The following MAP1B variants were observed in gnomAD, a reference collection of about 807,000 sequenced individuals.
MAP1B encodes the protein microtubule associated protein 1B.
A neutral mutation model predicts 176.1 loss-of-function variants in MAP1B; 12 were observed. The observed-to-expected ratio is 0.07, with a 90% CI of 0.04 to 0.11. The LOEUF (loss-of-function observed/expected upper bound fraction) is 0.11. MAP1B is among the 10% of genes least tolerant of loss of function. The pLI is 1.00. For synonymous variants in MAP1B, 1,044 were observed against 1,135.0 expected, an observed-to-expected ratio of 0.92 and a Z score of 1.61; for missense variants, 2,523 against 2,990.5, an observed-to-expected ratio of 0.84 and a Z score of 3.65.
intron 1 of MAP1B, among the ~76,000 whole-genome samples, chr5:72,110,861 A>G (rs1745320748): frequency 1.3e-5 from 2 of 152,242 alleles, no homozygotes; most frequent in African/African-American, 4.8e-5. Flanking sequence ...CAGTAAATCA[A>G]CAGGCCTGGA....
At chr5:72,193,812 G>A (rs1466656975) in intron 4 of MAP1B, 54 bp from the exon 5 acceptor site, 1 of 1,510,780 alleles carries the variant, frequency 6.6e-7, no homozygotes, top group African/African-American at 1.4e-5. Flanking sequence ...TGATGGATCA[G>A]TGATGATAAT....
Position 72,194,569 on chromosome 5 carries a change from C to T in MAP1B, c.1214C>T (p.Thr405Ile). The T allele has an allele frequency of 6.2e-7, 1 of 1,614,104 alleles. No homozygotes were observed. The highest frequency in any genetic ancestry group is 1.1e-5 in the South Asian group (1 of 91,074). Residue 405 changes from threonine (T) to isoleucine (I), a missense_variant, in exon 5 of 7, where the codon ACT becomes ATT. This residue lies in a region of MAP1B where 1,925 missense variants were observed against 2,126.0 expected (regional missense o/e 0.91). Transcript: ENST00000296755. The surrounding 1 kb of genome is among the most constrained non-coding windows in gnomAD (Gnocchi z 7.2). ...CCTCTGTTTAGAAGTGTAGGCAATA[C>T]TATTGATCCTGTCATTCTTTTCCAA... ...PEPLFRSVGN[T>I]IDPVILFQKM...
chr5:72,195,491 A>G lies in MAP1B; in HGVS notation c.2136A>G (p.Glu712=), dbSNP rs767137671. The change falls in exon 5 of 7, where the codon GAA becomes GAG. Residue 712 remains glutamate (E), a synonymous_variant. Coordinates refer to ENST00000296755, the MANE Select transcript of MAP1B (RefSeq NM_005909.5). ...CACCGCCAAAGGAAGTCAAGAAGGA[A>G]GTTAAGAAGGAAGAGAAGAAGGAAG... The part of the protein sequence containing the change: ...KETPPKEVKK[E]VKKEEKKEVK... 2 of 1,587,624 alleles carry G rather than the reference A, an allele frequency of 1.3e-6. No individual in the cohort carries two copies. Among genetic ancestry groups the G allele is most frequent in the Admixed American group, 3.8e-5 (2 of 52,472 alleles).
chr5:72,194,474 G>A lies in MAP1B; in HGVS notation c.1119G>A (p.Lys373=). Residue 373 remains lysine, a synonymous_variant, in exon 5 of 7, where the codon AAG becomes AAA. Transcript: ENST00000296755. The surrounding 1 kb of genome is among the most constrained non-coding windows in gnomAD (Gnocchi z 7.2). ...TCAAAAATCCAGAGCCAAACATCAAGATGAAGAGAAGCATAGAAGAAGCCT... is the reference window on the plus strand; with the variant it reads ...TCAAAAATCCAGAGCCAAACATCAAAATGAAGAGAAGCATAGAAGAAGCCT... ...ENLKNPEPNI[K]MKRSIEEACF... 2 of 1,613,974 alleles carry A rather than the reference G, an allele frequency of 1.2e-6. No homozygotes were observed. Among genetic ancestry groups the A allele is most frequent in the South Asian group, 1.1e-5 (1 of 91,060 alleles).
chr5:72,146,961 CTT>C (rs549281263), intron 2 of MAP1B, among the ~76,000 whole-genome samples: 106 of 134,854 alleles, frequency 7.9e-4, no homozygotes, highest in African/African-American at 1.9e-3. Context: ...TCCAAATCTT[CTT>C]TTTTTTTTTT....
At chr5:72,182,445 T>C (rs967624775) in intron 2 of MAP1B, among the ~76,000 whole-genome samples, 2 of 152,226 alleles carry the variant, frequency 1.3e-5, no homozygotes, top group African/African-American at 2.4e-5. Flanking sequence ...TTCCATTGTA[T>C]TGATATACCA....
intron 4 of MAP1B, among the ~76,000 whole-genome samples, chr5:72,192,651 G>C (rs2112228979): frequency 6.6e-6 from 1 of 152,296 alleles, no homozygotes; most frequent in Admixed American, 6.5e-5. Flanking sequence ...CAGACCTGCT[G>C]GCTCAGGGAT....
chr5:72,116,296 A>G (rs1745436252), intron 2 of MAP1B: 2 of 303,132 alleles, frequency 6.6e-6, no homozygotes, highest in Admixed American at 1.0e-4. Flanking sequence ...CTGCATTTCA[A>G]AATGAAATAT....
intron 1 of MAP1B, among the ~76,000 whole-genome samples, chr5:72,112,749 C>T (rs751411348): frequency 1.3e-5 from 2 of 152,202 alleles, no homozygotes; most frequent in Admixed American, 1.3e-4. Context: ...TCACTGCCTC[C>T]AACTGCCTGG....
chr5:72,200,468 G>A (rs1747308569), intron 5 of MAP1B, 101 bp downstream of exon 5: 1 of 1,410,928 alleles, frequency 7.1e-7, no homozygotes, highest in African/African-American at 1.4e-5. Flanking sequence ...GGAAGATGAG[G>A]GAGCACAATT....
rs893108746 is a variant in MAP1B, at chr5:72,197,623, G to T, written c.4268G>T (p.Arg1423Ile). ...FLSADDKASG[R>I]GAESPFEEKS... ...AGTGCTGATGACAAGGCTTCTGGCA[G>T]AGGTGCCGAAAGTCCTTTTGAAGAA... The change falls in exon 5 of 7, where the codon AGA (arginine) becomes ATA (isoleucine). Residue 1423 changes from arginine (R) to isoleucine (I), a missense_variant. This residue lies in a region of MAP1B where 1,925 missense variants were observed against 2,126.0 expected (regional missense o/e 0.91). Coordinates refer to ENST00000296755, the MANE Select transcript of MAP1B (RefSeq NM_005909.5). 2.5e-6 allele frequency: 4 copies of T among 1,614,222 alleles called. No individual in the cohort carries two copies. Among genetic ancestry groups the T allele is most frequent in the Non-Finnish European group, 3.4e-6 (4 of 1,180,044 alleles).
At chr5:72,150,308 C>A (rs1349271911) in intron 2 of MAP1B, among the ~76,000 whole-genome samples, 1 of 152,152 alleles carries the variant, frequency 6.6e-6, no homozygotes, top group African/African-American at 2.4e-5. Flanking sequence ...TCTTGTCTCT[C>A]ATGTTTTAAA....
chr5:72,158,022 T>TG (rs1746258146), intron 2 of MAP1B, among the ~76,000 whole-genome samples: 1 of 148,232 alleles, frequency 6.7e-6, no homozygotes, highest in Non-Finnish European at 1.5e-5. Context: ...TTTTTTTTTT[T>TG]TTTTTGAGAT....
At chr5:72,201,950 C>T (rs748824842) in intron 5 of MAP1B, among the ~76,000 whole-genome samples, 44 of 152,132 alleles carry the variant, frequency 2.9e-4, no homozygotes, top group Non-Finnish European at 5.6e-4. Context: ...TAGGAGAAAA[C>T]ATGAAATCCA....
chr5:72,110,208 A>T (rs1745301628), intron 1 of MAP1B, among the ~76,000 whole-genome samples: 1 of 152,226 alleles, frequency 6.6e-6, no homozygotes, highest in Non-Finnish European at 1.5e-5. Flanking sequence ...GAACCCCAGA[A>T]GCCCCCTTGT....
At chr5:72,149,854 A>G (rs1474698602) in intron 2 of MAP1B, among the ~76,000 whole-genome samples, 1 of 152,252 alleles carries the variant, frequency 6.6e-6, no homozygotes, top group Admixed American at 6.5e-5. Flanking sequence ...ATTTAAGTGT[A>G]TTCCTCAAAG....
chr5:72,107,602 C>A lies in MAP1B; in HGVS notation c.71C>A (p.Thr24Asn). The change falls in exon 1 of 7, where the codon ACC (threonine) becomes AAC (asparagine). Residue 24 changes from threonine (T) to asparagine (N), a missense_variant. Around this residue, in one of 4 missense-constraint regions of MAP1B, gnomAD observed 307 missense variants for 438.4 expected, o/e 0.70. Transcript: ENST00000296755. ...AGCATCGCCAACCCGGCGGCGTCCA[C>A]CTCGCCTAGCCTGTCGCACCGCTTC... ...SGSIANPAAS[T>N]SPSLSHRFLD... The A allele has an allele frequency of 1.3e-6, 2 of 1,596,020 alleles. No individual in the cohort carries two copies. Among genetic ancestry groups the A allele is most frequent in the South Asian group, 1.1e-5 (1 of 90,218 alleles).
At chr5:72,123,362 G>C (rs1001231336) in intron 2 of MAP1B, among the ~76,000 whole-genome samples, 1 of 152,128 alleles carries the variant, frequency 6.6e-6, no homozygotes, top group Non-Finnish European at 1.5e-5. Flanking sequence ...GGAGTGCAGT[G>C]GTGCAATTAC....
intron 2 of MAP1B, among the ~76,000 whole-genome samples, chr5:72,142,008 C>T (rs1024684920): frequency 2.6e-5 from 4 of 152,186 alleles, no homozygotes; most frequent in Admixed American, 1.3e-4. Flanking sequence ...AGCCCTGCCA[C>T]GTGTTTCTCC....
Sources: gnomAD v4.1 joint callset for allele counts (sites outside exome capture counted in the v4.1 genomes callset) on GRCh38, gnomAD v4.1.1 for gene constraint, gnomAD v4.1.1 regional missense constraint, Gnocchi (gnomAD v3.1) non-coding constraint, MANE v1.5 for transcripts, NCBI Gene and HGNC (gene_info 2026-07-23, HGNC 2026-07-21) for gene names.